The following IL1RAPL1 variants were observed in gnomAD, a reference collection of about 807,000 sequenced individuals.
IL1RAPL1 encodes interleukin-1 receptor accessory protein-like 1.
IL1RAPL1 carries 3 observed loss-of-function variants against 48.4 expected under a neutral mutation model. The ratio of observed to expected loss-of-function variants is 0.06; its 90% CI spans 0.03 to 0.16. IL1RAPL1 has a LOEUF of 0.16. Among genes scored for constraint, IL1RAPL1 ranks in the 10% least tolerant of loss-of-function variants. IL1RAPL1 has a pLI of 1.00. For missense variants in IL1RAPL1, 349 were observed against 530.6 expected, an observed-to-expected ratio of 0.66 and a Z score of 3.36; for synonymous variants, 185 against 187.7, an observed-to-expected ratio of 0.99 and a Z score of 0.12.
chrX:29,228,222 AC>A (rs991623735), intron 2 of IL1RAPL1, among the ~76,000 whole-genome samples: 4 of 91,070 alleles, frequency 4.4e-5, no homozygotes, highest in African/African-American at 1.8e-4. Flanking sequence ...ACACACACAC[AC>A]AACTGTGACC....
At chrX:28,687,748 C>T (rs1274300084) in intron 1 of IL1RAPL1, among the ~76,000 whole-genome samples, 5 of 107,370 alleles carry the variant, frequency 4.7e-5, no homozygotes, top group Non-Finnish European at 9.6e-5. Flanking sequence ...CACCACTGCA[C>T]TCCAGCCTGG....
chrX:28,604,280 C>T (rs2146880090), intron 1 of IL1RAPL1, among the ~76,000 whole-genome samples: 1 of 111,636 alleles, frequency 9.0e-6, no homozygotes, highest in South Asian at 3.8e-4. Context: ...TACTAGAATT[C>T]ACATTTGGAT....
intron 5 of IL1RAPL1, among the ~76,000 whole-genome samples, chrX:29,491,199 A>G (rs1935156522): frequency 8.9e-6 from 1 of 111,958 alleles, no homozygotes; most frequent in African/African-American, 3.3e-5. Flanking sequence ...GATTCATCCC[A>G]TATTCAATGG....
At chrX:29,166,361 A>G (rs1791960447) in intron 2 of IL1RAPL1, among the ~76,000 whole-genome samples, 1 of 112,283 alleles carries the variant, frequency 8.9e-6, no homozygotes, top group African/African-American at 3.2e-5. Flanking sequence ...GGAAGTCATC[A>G]TGCAATAGTC....
intron 5 of IL1RAPL1, among the ~76,000 whole-genome samples, chrX:29,571,094 C>T (rs997688321): frequency 9.1e-6 from 1 of 110,460 alleles, no homozygotes; most frequent in Non-Finnish European, 1.9e-5. Context: ...TGGTGGCGGG[C>T]GCCTATAGTC....
chrX:28,617,131 G>A (rs1934229923), intron 1 of IL1RAPL1, among the ~76,000 whole-genome samples: 2 of 112,231 alleles, frequency 1.8e-5, no homozygotes, highest in African/African-American at 6.5e-5. Flanking sequence ...GGAGGAGGCA[G>A]TGGAAAGGAA....
chrX:29,322,235 GTCTT>G (rs1031293766), intron 3 of IL1RAPL1, among the ~76,000 whole-genome samples: 2 of 99,950 alleles, frequency 2.0e-5, no homozygotes, highest in East Asian at 3.1e-4. Context: ...CTTTCTTTCT[GTCTT>G]TCTGTCTTTC....
chrX:28,999,016 A>G (rs967811949), intron 2 of IL1RAPL1, among the ~76,000 whole-genome samples: 2 of 111,997 alleles, frequency 1.8e-5, no homozygotes, highest in African/African-American at 6.5e-5. Flanking sequence ...TGAGCTTTCC[A>G]AGTCCCTACA....
intron 5 of IL1RAPL1, among the ~76,000 whole-genome samples, chrX:29,415,565 G>A (rs1362528354): frequency 1.1e-4 from 12 of 110,283 alleles, no homozygotes; most frequent in East Asian, 8.6e-4. Context: ...GATTACAGGC[G>A]CGTGCCACCA....
intron 5 of IL1RAPL1, among the ~76,000 whole-genome samples, chrX:29,546,012 G>T (rs1339003222): frequency 9.0e-6 from 1 of 111,435 alleles, no homozygotes; most frequent in Admixed American, 9.6e-5. Context: ...AATGTCTGGA[G>T]ACACTTTTGG....
intron 5 of IL1RAPL1, among the ~76,000 whole-genome samples, chrX:29,606,776 A>G (rs1923906396): frequency 9.0e-6 from 1 of 111,110 alleles, no homozygotes; most frequent in Non-Finnish European, 1.9e-5. Context: ...TTTTCTTTAA[A>G]CAGGAGAATT....
intron 2 of IL1RAPL1, among the ~76,000 whole-genome samples, chrX:29,250,946 A>AT (rs1173384749): frequency 9.1e-6 from 1 of 109,775 alleles, no homozygotes; most frequent in Non-Finnish European, 1.9e-5. Context: ...GAAATGCATT[A>AT]TTTTTCCTAA....
intron 2 of IL1RAPL1, among the ~76,000 whole-genome samples, chrX:29,162,432 T>C (rs972294310): frequency 3.3e-4 from 37 of 110,914 alleles, no homozygotes; most frequent in African/African-American, 1.1e-3. Flanking sequence ...ATAAATATAC[T>C]TGGTGTGTCA....
intron 2 of IL1RAPL1, among the ~76,000 whole-genome samples, chrX:28,958,562 G>C (rs1924678894): frequency 8.9e-6 from 1 of 111,857 alleles, no homozygotes; most frequent in Admixed American, 9.6e-5. Context: ...GTGATAAGTA[G>C]TAGAAGAGGC....
intron 2 of IL1RAPL1, among the ~76,000 whole-genome samples, chrX:29,210,507 AT>A (rs1410253437): frequency 8.9e-6 from 1 of 112,420 alleles, no homozygotes; most frequent in East Asian, 2.8e-4. Context: ...GATCTTAGAT[AT>A]TTTAATCTAT....
chrX:29,531,604 G>A (rs1347762184), intron 5 of IL1RAPL1, among the ~76,000 whole-genome samples: 2 of 111,711 alleles, frequency 1.8e-5, no homozygotes, highest in East Asian at 5.6e-4. Context: ...TGTTTCCTAG[G>A]GTTGTCATAA....
At chrX:28,743,779 TTGATA>T (rs1179466165) in intron 1 of IL1RAPL1, among the ~76,000 whole-genome samples, 2 of 111,238 alleles carry the variant, frequency 1.8e-5, no homozygotes, top group Non-Finnish European at 3.8e-5. Context: ...ACATAATGTT[TTGATA>T]TATGTGTTTG....
chrX:29,196,812 G>A (rs916805133), intron 2 of IL1RAPL1, among the ~76,000 whole-genome samples: 1 of 109,019 alleles, frequency 9.2e-6, no homozygotes, highest in African/African-American at 3.3e-5. Context: ...TCCTGTAAAG[G>A]GTAATTCTCC....
At chrX:29,446,900 C>G (rs1260847303) in intron 5 of IL1RAPL1, among the ~76,000 whole-genome samples, 1 of 110,357 alleles carries the variant, frequency 9.1e-6, no homozygotes, top group Non-Finnish European at 1.9e-5. Context: ...CTACCTCCCT[C>G]TCAGAAAAAA....
Sources: gnomAD v4.1 joint callset for allele counts (sites outside exome capture counted in the v4.1 genomes callset) on GRCh38, gnomAD v4.1.1 for gene constraint, MANE v1.5 for transcripts, NCBI Gene and HGNC (gene_info 2026-07-23, HGNC 2026-07-21) for gene names.